Variants in CMTM4 observed in about 807,000 individuals in gnomAD.
CMTM4 encodes the protein CKLF like MARVEL transmembrane domain containing 4, also known as CKLF-like MARVEL transmembrane domain-containing protein 4.
CMTM4 carries 8 observed loss-of-function variants against 19.0 expected under a neutral mutation model. That is an observed-to-expected ratio of 0.42 (90% CI 0.25 to 0.76). The LOEUF is 0.76. Among genes scored for constraint, CMTM4 ranks in the 30% least tolerant of loss-of-function variants. The pLI, the probability that CMTM4 is intolerant of heterozygous loss-of-function variation, is 0.27. For missense variants in CMTM4, 228 were observed against 290.2 expected, an observed-to-expected ratio of 0.79 and a Z score of 1.56; for synonymous variants, 106 against 121.1, an observed-to-expected ratio of 0.88 and a Z score of 0.82.
chr16:66,675,786 C>T (rs1250941500), intron 1 of CMTM4, among the ~76,000 whole-genome samples: 1 of 152,162 alleles, frequency 6.6e-6, no homozygotes, highest in Non-Finnish European at 1.5e-5. Context: ...AACAGCCGTG[C>T]AAATTATTTA....
At chr16:66,608,309 G>A in the CMTM4 span, 1 of 1,614,152 alleles carries the variant, frequency 6.2e-7, no homozygotes, top group Admixed American at 1.7e-5. The surrounding 1 kb of genome is among the most constrained non-coding windows in gnomAD (Gnocchi z 5.1). Flanking sequence ...TTCCCCGCAG[G>A]GTCTCTCATT....
At chr16:66,610,323 A>G (rs2015329735), downstream of CMTM4, among the ~76,000 whole-genome samples, 2 of 152,078 alleles carry the variant, frequency 1.3e-5, no homozygotes, top group African/African-American at 4.8e-5. This position sits in a 1 kb window ranked among gnomAD's most constrained non-coding sequence, Gnocchi z 4.6. Flanking sequence ...TGGGATCCAG[A>G]GTGGCCATCC....
chr16:66,612,087 CCACCTG>C (rs2015396856), downstream of CMTM4, among the ~76,000 whole-genome samples: 1 of 152,118 alleles, frequency 6.6e-6, no homozygotes, highest in Non-Finnish European at 1.5e-5. This position sits in a 1 kb window ranked among gnomAD's most constrained non-coding sequence, Gnocchi z 6.0. Context: ...GGAAACACCC[CCACCTG>C]CACCCGCACC....
At chr16:66,662,729 T>C (rs1376964146) in intron 1 of CMTM4, among the ~76,000 whole-genome samples, 1 of 151,744 alleles carries the variant, frequency 6.6e-6, no homozygotes, top group Non-Finnish European at 1.5e-5. Flanking sequence ...TTCAACAGAG[T>C]AGGGTAACTA....
intron 1 of CMTM4, among the ~76,000 whole-genome samples, chr16:66,693,954 G>A (rs920206881): frequency 7.2e-5 from 11 of 152,126 alleles, no homozygotes; most frequent in East Asian, 3.9e-4. Flanking sequence ...CCCAGGTGGC[G>A]GAGGTTGCAG....
chr16:66,635,723 C>T (rs1311226424), intron 2 of CMTM4, among the ~76,000 whole-genome samples: 2 of 152,214 alleles, frequency 1.3e-5, no homozygotes, highest in Non-Finnish European at 2.9e-5. Flanking sequence ...TGAGCTCTTG[C>T]ACATGCTAAT....
intron 2 of CMTM4, among the ~76,000 whole-genome samples, chr16:66,624,710 T>C (rs906785724): frequency 2.6e-5 from 4 of 152,206 alleles, no homozygotes; most frequent in African/African-American, 9.6e-5. Context: ...GAGGTTGCAG[T>C]GAGCTAAGAT....
At chr16:66,695,447 A>C (rs1041200550) in intron 1 of CMTM4, among the ~76,000 whole-genome samples, 1 of 152,188 alleles carries the variant, frequency 6.6e-6, no homozygotes, top group African/African-American at 2.4e-5. Flanking sequence ...GTGACAGAGA[A>C]TGTTGGGGGG....
chr16:66,656,426 T>C (rs2057415790), intron 1 of CMTM4, among the ~76,000 whole-genome samples: 1 of 152,088 alleles, frequency 6.6e-6, no homozygotes, highest in African/African-American at 2.4e-5. Flanking sequence ...TACAGCGGCG[T>C]GATCTTGGCT....
chr16:66,624,300 AC>A (rs2015693894), intron 2 of CMTM4, among the ~76,000 whole-genome samples: 1 of 152,180 alleles, frequency 6.6e-6, no homozygotes, highest in South Asian at 2.1e-4. Flanking sequence ...TGTTATTACT[AC>A]TTTGGCATGA....
At position 66,621,379 on chromosome 16, in the gene CMTM4, T is replaced by C. The variant is rs560800229; in HGVS notation, c.*679A>G. 1.0e-6 allele frequency: 1 copy of C among 985,872 alleles called. No individual in the cohort carries two copies. Among genetic ancestry groups the C allele is most frequent in the African/African-American group, 1.7e-5 (1 of 57,370 alleles). 61.1% of individuals were successfully genotyped at this position (985,872 alleles called of 1,614,324 possible). On this transcript the variant is annotated 3_prime_UTR_variant, in exon 4 of 4. Coordinates refer to ENST00000394106, the MANE Select transcript of CMTM4 (RefSeq NM_181521.3). ...AAACAAGATAGTCCCCATAACAAGA[T>C]GGCCCCCATATTCCTGGAGAAGAAT...
chr16:66,675,997 C>T (rs776417487), intron 1 of CMTM4, among the ~76,000 whole-genome samples: 3 of 151,962 alleles, frequency 2.0e-5, no homozygotes, highest in Non-Finnish European at 4.4e-5. Context: ...GGAACTGGAA[C>T]TATAAGCACA....
At chr16:66,692,744 A>G (rs1022651474) in intron 1 of CMTM4, among the ~76,000 whole-genome samples, 5 of 152,026 alleles carry the variant, frequency 3.3e-5, no homozygotes, top group African/African-American at 4.8e-5. Flanking sequence ...CATCTCTACT[A>G]AAAAATAGAA....
chr16:66,683,278 TTTC>T (rs1358464945), intron 1 of CMTM4, among the ~76,000 whole-genome samples: 1 of 140,818 alleles, frequency 7.1e-6, no homozygotes, highest in Admixed American at 7.5e-5. Flanking sequence ...AACCCATTTT[TTTC>T]TTTTCTTTTT....
chr16:66,605,221 G>T, the CMTM4 span: 3 of 344,108 alleles, frequency 8.7e-6, no homozygotes, highest in African/African-American at 2.1e-5. The surrounding 1 kb of genome is among the most constrained non-coding windows in gnomAD (Gnocchi z 4.6). Context: ...GGTGGGGCCC[G>T]GGGATGTGGG....
chr16:66,606,343 A>G, the CMTM4 span, among the ~76,000 whole-genome samples: 2 of 152,188 alleles, frequency 1.3e-5, no homozygotes, highest in Non-Finnish European at 2.9e-5. Context: ...GGGTGCAGGC[A>G]TAGGAGACAG....
chr16:66,670,242 T>C (rs2016677946), intron 1 of CMTM4, among the ~76,000 whole-genome samples: 1 of 149,064 alleles, frequency 6.7e-6, no homozygotes, highest in South Asian at 2.1e-4. Context: ...AGGTTAAGAG[T>C]TTGGGACCAG....
chr16:66,691,656 G>A (rs2017137529), intron 1 of CMTM4, among the ~76,000 whole-genome samples: 1 of 152,138 alleles, frequency 6.6e-6, no homozygotes, highest in Non-Finnish European at 1.5e-5. Flanking sequence ...ACCTATGATT[G>A]TACCACTGCA....
At chr16:66,690,779 A>G (rs910728457) in intron 1 of CMTM4, among the ~76,000 whole-genome samples, 1 of 152,196 alleles carries the variant, frequency 6.6e-6, no homozygotes, top group Non-Finnish European at 1.5e-5. Flanking sequence ...TGAGATTAAG[A>G]GACATCAAAA....
Sources: allele counts gnomAD v4.1 joint callset (sites outside exome capture counted in the v4.1 genomes callset), GRCh38; gene constraint gnomAD v4.1.1; non-coding constraint Gnocchi (gnomAD v3.1); transcripts MANE v1.5; gene names NCBI Gene and HGNC (gene_info 2026-07-23, HGNC 2026-07-21).